DNM3: variants seen among roughly 807,000 people sequenced by gnomAD.
DNM3 encodes dynamin-3.
In DNM3, 47 loss-of-function variants were observed where a neutral mutation model predicts 101.6. The ratio of observed to expected loss-of-function variants is 0.46; its 90% CI spans 0.37 to 0.59. The LOEUF is 0.59. Ranked by LOEUF, DNM3 falls within the 20% of genes least tolerant of loss-of-function variation. The pLI is 0.00. For missense variants in DNM3, 849 were observed against 1,085.7 expected (o/e 0.78, Z 3.06); for synonymous variants, 385 against 387.9 (o/e 0.99, Z 0.09).
Position 172,200,826 on chromosome 1 carries a change from C to T in DNM3, c.1660-52747C>T, listed in dbSNP as rs561128591. Among the ~76,000 whole-genome samples, 172 of 152,164 alleles carry T rather than the reference C, an allele frequency of 1.1e-3. 2 individuals carry two copies. Among genetic ancestry groups the T allele is most frequent in the African/African-American group, 3.8e-3 (156 of 41,528 alleles). On this transcript the variant is annotated intron_variant, in intron 14 of 20. Transcript: ENST00000627582. Reference sequence around the variant, plus strand: ...TATTGTGATTCTTATTTTCTTGGATCGGGTTTTGTCATTCTCCAGAATCTT... The same window carrying T: ...TATTGTGATTCTTATTTTCTTGGATTGGGTTTTGTCATTCTCCAGAATCTT...
chr1:171,876,358 C>T (rs2035782482), intron 1 of DNM3, among the ~76,000 whole-genome samples: 3 of 152,122 alleles, frequency 2.0e-5, no homozygotes, highest in Admixed American at 2.0e-4. Context: ...GGACAGTTCA[C>T]TTCTTCCAAT....
At chr1:172,396,507 G>GACTA (rs1204270767) in intron 20 of DNM3, among the ~76,000 whole-genome samples, 1 of 152,134 alleles carries the variant, frequency 6.6e-6, no homozygotes, top group Non-Finnish European at 1.5e-5. Flanking sequence ...AGGGCTAATG[G>GACTA]ACTAACTAAG....
intron 13 of DNM3, among the ~76,000 whole-genome samples, chr1:172,108,713 C>T (rs924675422): frequency 2.0e-5 from 3 of 152,228 alleles, no homozygotes; most frequent in Non-Finnish European, 2.9e-5. Flanking sequence ...TGTTCCCTAT[C>T]CAGGAAATGA....
At chr1:172,221,951 G>A (rs982312007) in intron 14 of DNM3, among the ~76,000 whole-genome samples, 1 of 152,112 alleles carries the variant, frequency 6.6e-6, no homozygotes, top group Non-Finnish European at 1.5e-5. Context: ...TTATCACATA[G>A]TAAGCCCTCA....
chr1:172,359,215 G>T (rs953815918), intron 17 of DNM3, among the ~76,000 whole-genome samples: 3 of 151,708 alleles, frequency 2.0e-5, no homozygotes, highest in Non-Finnish European at 2.9e-5. Flanking sequence ...GGAGCTGCTG[G>T]CTGTTGTTTT....
chr1:172,367,825 A>G (rs140743828), intron 17 of DNM3, among the ~76,000 whole-genome samples: 1,749 of 151,934 alleles, frequency 0.012, 18 homozygotes, highest in Non-Finnish European at 0.017. Context: ...CCCAAATCTC[A>G]TCTTGAATTA....
chr1:172,362,824 C>A (rs948214160), intron 17 of DNM3, among the ~76,000 whole-genome samples: 13 of 151,666 alleles, frequency 8.6e-5, no homozygotes, highest in African/African-American at 3.1e-4. Context: ...GTTAAAGATT[C>A]TTCCATCATT....
rs1160941142 is a variant in DNM3, at chr1:172,388,583, C to T, written c.2296C>T (p.Pro766Ser). 1 of 1,613,838 alleles carries T rather than the reference C, an allele frequency of 6.2e-7. No homozygotes were observed. Residue 766 changes from proline to serine, a missense_variant, in exon 20 of 21, where the codon CCA (proline) becomes TCA (serine). Physicochemically the swap from Pro to Ser is moderately conservative, Grantham distance 74. Transcript: ENST00000627582. ...WIQHSRRSPP[P>S]SPTTQRRPTL... is the part of the protein sequence containing the mutation. Reference sequence around the variant, plus strand: ...TCTCTTTTTCCTCAGGTCACCTCCTCCAAGCCCCACAACCCAAAGGAGGCC... The same window carrying T: ...TCTCTTTTTCCTCAGGTCACCTCCTTCAAGCCCCACAACCCAAAGGAGGCC...
chr1:171,956,370 T>G (rs537757001), intron 2 of DNM3, among the ~76,000 whole-genome samples: 4 of 152,292 alleles, frequency 2.6e-5, no homozygotes, highest in East Asian at 1.9e-4. Context: ...AAAGGCCCCA[T>G]GCAAGTCTGA....
intron 17 of DNM3, among the ~76,000 whole-genome samples, chr1:172,331,345 T>G (rs922239760): frequency 6.6e-6 from 1 of 152,170 alleles, no homozygotes. Context: ...AGATAACATA[T>G]AATATTAGGC....
At chr1:172,073,265 G>A (rs576874395) in intron 11 of DNM3, among the ~76,000 whole-genome samples, 155 of 144,028 alleles carry the variant, frequency 1.1e-3, no homozygotes, top group Non-Finnish European at 1.8e-3. Context: ...ATACATATAC[G>A]TATATATGCT....
intron 17 of DNM3, among the ~76,000 whole-genome samples, chr1:172,324,504 G>C (rs980177029): frequency 6.6e-6 from 1 of 152,030 alleles, no homozygotes; most frequent in African/African-American, 2.4e-5. Context: ...ATATAATAAA[G>C]TATTACCAGA....
At chr1:172,064,639 ATTGGGACTATTTATATGT>A (rs1466291997) in intron 10 of DNM3, among the ~76,000 whole-genome samples, 1 of 152,172 alleles carries the variant, frequency 6.6e-6, no homozygotes, top group Non-Finnish European at 1.5e-5. Flanking sequence ...TATCTTAAGA[ATTGGGACTATTTATATGT>A]TTGGGACTAT....
intron 2 of DNM3, among the ~76,000 whole-genome samples, chr1:171,957,355 A>G (rs12066879): frequency 0.028 from 4,230 of 151,232 alleles, 198 homozygotes; most frequent in African/African-American, 0.095. Context: ...CCGCCACCAC[A>G]CTCGGCTAAT....
chr1:172,286,342 T>C (rs974059875), intron 15 of DNM3, among the ~76,000 whole-genome samples: 1 of 152,156 alleles, frequency 6.6e-6, no homozygotes, highest in Non-Finnish European at 1.5e-5. Flanking sequence ...ATAATTGTGG[T>C]TCTCTCTGCT....
chr1:172,004,267 G>A (rs532223045), intron 4 of DNM3, among the ~76,000 whole-genome samples: 1 of 152,142 alleles, frequency 6.6e-6, no homozygotes, highest in East Asian at 1.9e-4. Context: ...GGAGTTTGTG[G>A]TTAAAGAGAT....
intron 15 of DNM3, among the ~76,000 whole-genome samples, 159 bp from the exon 16 acceptor site, chr1:172,308,569 T>C (rs2064946205): frequency 4.7e-5 from 6 of 127,000 alleles, no homozygotes; most frequent in Admixed American, 1.4e-4. Flanking sequence ...AGAAATTCAC[T>C]AATTATTTTA....
intron 18 of DNM3, 58 bp from the exon 19 acceptor site, chr1:172,387,075 T>A (rs1000483407): frequency 2.3e-4 from 331 of 1,428,574 alleles, no homozygotes; most frequent in Non-Finnish European, 3.2e-4. Flanking sequence ...GCCATGTTTC[T>A]ACCTCCACTC....
At chr1:172,045,249 CT>C (rs2049700785) in intron 9 of DNM3, among the ~76,000 whole-genome samples, 1 of 152,142 alleles carries the variant, frequency 6.6e-6, no homozygotes. Flanking sequence ...CCATCTTAGT[CT>C]GTTTGGACTG....
Sources: allele counts gnomAD v4.1 joint callset (sites outside exome capture counted in the v4.1 genomes callset), GRCh38; gene constraint gnomAD v4.1.1; transcripts MANE v1.5; gene names NCBI Gene and HGNC (gene_info 2026-07-23, HGNC 2026-07-21).